CORO2B: variants seen among roughly 807,000 people sequenced by gnomAD.
The protein encoded by CORO2B is coronin-2B.
A neutral mutation model predicts 58.8 loss-of-function variants in CORO2B; 26 were observed. The ratio of observed to expected loss-of-function variants is 0.44; its 90% CI spans 0.32 to 0.61. The LOEUF (loss-of-function observed/expected upper bound fraction) is 0.61. Among genes scored for constraint, CORO2B ranks in the 20% least tolerant of loss-of-function variants. The pLI, the probability that CORO2B is intolerant of heterozygous loss-of-function variation, is 0.04. For missense variants in CORO2B, 460 were observed against 645.1 expected (o/e 0.71, Z 3.11); for synonymous variants, 242 against 253.8 (o/e 0.95, Z 0.44).
chr15:68,646,562 G>C (rs1901435714), intron 2 of CORO2B, among the ~76,000 whole-genome samples: 1 of 152,234 alleles, frequency 6.6e-6, no homozygotes, highest in Non-Finnish European at 1.5e-5. Flanking sequence ...TGAGGACAGA[G>C]CCTGATGCAC....
intron 2 of CORO2B, among the ~76,000 whole-genome samples, chr15:68,648,250 T>C (rs974642247): frequency 6.6e-6 from 1 of 150,414 alleles, no homozygotes; most frequent in African/African-American, 2.4e-5. Flanking sequence ...GGAGAATTGC[T>C]TGAACCCGGG....
the CORO2B span, among the ~76,000 whole-genome samples, chr15:68,572,169 G>C: frequency 6.6e-6 from 1 of 152,338 alleles, no homozygotes. Flanking sequence ...GCTCTTCCAG[G>C]AGGCAATCAG....
chr15:68,690,185 A>C (rs1257219707), intron 2 of CORO2B, among the ~76,000 whole-genome samples: 1 of 152,220 alleles, frequency 6.6e-6, no homozygotes, highest in East Asian at 1.9e-4. Context: ...GCCTGAAATC[A>C]GTGATCGTGG....
At chr15:68,544,841 A>G in the CORO2B span, among the ~76,000 whole-genome samples, 1 of 151,472 alleles carries the variant, frequency 6.6e-6, no homozygotes, top group Non-Finnish European at 1.5e-5. Context: ...CGACGGCACA[A>G]TCTCGGCTCA....
intron 5 of CORO2B, among the ~76,000 whole-genome samples, chr15:68,712,090 G>C (rs539352950): frequency 1.3e-5 from 2 of 152,294 alleles, no homozygotes; most frequent in South Asian, 4.1e-4. Context: ...TGAGCCTGAG[G>C]GAAATGGCTA....
At chr15:68,551,279 C>G in the CORO2B span, among the ~76,000 whole-genome samples, 1 of 152,040 alleles carries the variant, frequency 6.6e-6, no homozygotes, top group Non-Finnish European at 1.5e-5. Flanking sequence ...TGACCCCCAG[C>G]CTACCTCACC....
chr15:68,723,441 T>G (rs1214966788), intron 11 of CORO2B, among the ~76,000 whole-genome samples: 1 of 151,720 alleles, frequency 6.6e-6, no homozygotes, highest in Non-Finnish European at 1.5e-5. Context: ...ATTTGGTTTC[T>G]TTGTTGTTGT....
chr15:68,590,955 C>T (rs986219026), intron 1 of CORO2B, among the ~76,000 whole-genome samples: 16 of 152,286 alleles, frequency 1.1e-4, no homozygotes, highest in Admixed American at 3.9e-4. Flanking sequence ...GCAAATAAAA[C>T]GAGGACTGAG....
Position 68,659,649 on chromosome 15 carries a change from C to G in CORO2B, c.216+14289C>G, listed in dbSNP as rs545661323. ...AAGTGAATCATTATAAAAGTCTATCCTCGGCCAGACATGGTGGCTCATTCC... is the reference window on the plus strand; with the variant it reads ...AAGTGAATCATTATAAAAGTCTATCGTCGGCCAGACATGGTGGCTCATTCC... On this transcript the variant is annotated intron_variant, in intron 2 of 11. Transcript: ENST00000261861. Among the ~76,000 whole-genome samples the G allele has an allele frequency of 2.3e-4, 35 of 151,890 alleles. No individual in the cohort carries two copies. The South Asian group carries it at 7.3e-3, about 32-fold the overall frequency.
chr15:68,551,689 G>A, the CORO2B span, among the ~76,000 whole-genome samples: 1 of 152,202 alleles, frequency 6.6e-6, no homozygotes, highest in African/African-American at 2.4e-5. Flanking sequence ...GATGGACAAA[G>A]GCCTGGCGCC....
chr15:68,566,015 G>A, the CORO2B span, among the ~76,000 whole-genome samples: 13 of 152,226 alleles, frequency 8.5e-5, no homozygotes, highest in Non-Finnish European at 2.9e-5. Context: ...TCTGTGGAGA[G>A]GCAGCTGACA....
intron 1 of CORO2B, chr15:68,616,726 G>C (rs893575644): frequency 1.6e-6 from 1 of 627,272 alleles, no homozygotes; most frequent in Non-Finnish European, 2.0e-6. Flanking sequence ...CGAGAGCTGG[G>C]TCTTGCCTCT....
At chr15:68,540,286 T>C in the CORO2B span, among the ~76,000 whole-genome samples, 227 of 152,358 alleles carry the variant, frequency 1.5e-3, no homozygotes, top group Middle Eastern at 6.8e-3. Flanking sequence ...CAACATTACT[T>C]AACATCACGA....
chr15:68,605,144 A>G (rs575452528), intron 1 of CORO2B, among the ~76,000 whole-genome samples: 1 of 152,334 alleles, frequency 6.6e-6, no homozygotes, highest in South Asian at 2.1e-4. Context: ...AAGTTTTGAA[A>G]AGAAAAACTT....
At chr15:68,695,774 G>A (rs984706744) in intron 3 of CORO2B, among the ~76,000 whole-genome samples, 4 of 152,108 alleles carry the variant, frequency 2.6e-5, no homozygotes, top group Admixed American at 2.6e-4. Context: ...CCCAAAATTT[G>A]AACTCCATGT....
intron 2 of CORO2B, among the ~76,000 whole-genome samples, chr15:68,660,067 A>ATCGTATT (rs1300862006): frequency 6.6e-6 from 1 of 152,208 alleles, no homozygotes; most frequent in Non-Finnish European, 1.5e-5. Flanking sequence ...GTGTAACTTT[A>ATCGTATT]CAGAAATATA....
the CORO2B span, among the ~76,000 whole-genome samples, chr15:68,539,414 T>C: frequency 6.6e-6 from 1 of 152,198 alleles, no homozygotes; most frequent in Admixed American, 6.5e-5. Context: ...GGCTCACACC[T>C]GTAATCCCAG....
chr15:68,524,598 A>G, the CORO2B span, among the ~76,000 whole-genome samples: 1,340 of 152,282 alleles, frequency 8.8e-3, 21 homozygotes, highest in African/African-American at 0.03. Flanking sequence ...TATTTTTTCC[A>G]TTTTGCAAAT....
chr15:68,694,922 T>C (rs7359316), intron 2 of CORO2B, among the ~76,000 whole-genome samples: 134,370 of 152,210 alleles, frequency 0.88, 60,513 homozygotes, highest in East Asian at 1. Context: ...CTGTGTGGCC[T>C]CCCTGAACCA....
Sources: gnomAD v4.1 joint callset for allele counts (sites outside exome capture counted in the v4.1 genomes callset) on GRCh38, gnomAD v4.1.1 for gene constraint, MANE v1.5 for transcripts, NCBI Gene and HGNC (gene_info 2026-07-23, HGNC 2026-07-21) for gene names.